The following MCUB variants were observed in gnomAD, a reference collection of about 807,000 sequenced individuals.
MCUB encodes mitochondrial calcium uniporter dominant negative subunit beta.
MCUB carries 46 observed loss-of-function variants against 41.4 expected under a neutral mutation model. The ratio of observed to expected loss-of-function variants is 1.11; its 90% CI spans 0.88 to 1.42. The LOEUF (loss-of-function observed/expected upper bound fraction) is 1.42. Among genes scored for constraint, MCUB ranks in the 40% most tolerant of loss-of-function variants. The pLI is 0.00. For synonymous variants in MCUB, 148 were observed against 148.2 expected (o/e 1.00, Z 0.01); for missense variants, 403 against 404.9 (o/e 1.00, Z 0.04).
At chr4:109,622,995 A>G (rs1414773934) in intron 1 of MCUB, among the ~76,000 whole-genome samples, 1 of 152,190 alleles carries the variant, frequency 6.6e-6, no homozygotes, top group Non-Finnish European at 1.5e-5. Flanking sequence ...TGTCTACAGT[A>G]TGCTCATCTA....
intron 1 of MCUB, among the ~76,000 whole-genome samples, chr4:109,562,133 T>C (rs1024658854): frequency 2.6e-5 from 4 of 152,164 alleles, no homozygotes; most frequent in Non-Finnish European, 5.9e-5. Context: ...TCTCAAATTA[T>C]CACCTGCAAA....
At chr4:109,656,805 T>C (rs1729114141) in intron 1 of MCUB, among the ~76,000 whole-genome samples, 1 of 152,232 alleles carries the variant, frequency 6.6e-6, no homozygotes, top group African/African-American at 2.4e-5. Context: ...TAGACGGTAT[T>C]GTAATATCCA....
intron 1 of MCUB, among the ~76,000 whole-genome samples, chr4:109,588,795 C>CT (rs766578219): frequency 2.8e-4 from 43 of 152,156 alleles, no homozygotes; most frequent in Non-Finnish European, 4.9e-4. Flanking sequence ...ACTCTGATAG[C>CT]TTAGTCTACA....
intron 7 of MCUB, 46 bp from the exon 8 acceptor site, chr4:109,687,469 G>C (rs200086615): frequency 7.5e-7 from 1 of 1,330,456 alleles, no homozygotes; most frequent in African/African-American, 1.4e-5. Context: ...ATGTTGGTAT[G>C]TTTCTCTTCT....
intron 4 of MCUB, among the ~76,000 whole-genome samples, chr4:109,682,124 G>A (rs1398961942): frequency 6.6e-6 from 1 of 152,138 alleles, no homozygotes; most frequent in Non-Finnish European, 1.5e-5. Flanking sequence ...AGGTGGATGC[G>A]GTCACCTTCC....
At chr4:109,576,754 G>T (rs974450479) in intron 1 of MCUB, among the ~76,000 whole-genome samples, 4 of 152,220 alleles carry the variant, frequency 2.6e-5, no homozygotes, top group African/African-American at 4.8e-5. Flanking sequence ...TAGGGATGGT[G>T]TACTAACCTT....
rs766720465 is a variant in MCUB, at chr4:109,682,748, G to A, written c.612+6G>A. On this transcript the variant is annotated splice_donor_region_variant and intron_variant, in intron 5 of 7. Coordinates refer to ENST00000394650, the MANE Select transcript of MCUB (RefSeq NM_017918.5). Reference sequence around the variant, plus strand: ...AGCTGCAGCCCCTTGAACAGGTTAGGAAGCATCACGGTTGAGTATATTTGA... The same window carrying A: ...AGCTGCAGCCCCTTGAACAGGTTAGAAAGCATCACGGTTGAGTATATTTGA... The A allele has an allele frequency of 2.8e-5, 45 of 1,606,094 alleles. No individual in the cohort carries two copies. In the South Asian group the frequency reaches 4.3e-4, roughly 16 times the overall value.
At chr4:109,642,651 A>G (rs750560051) in intron 1 of MCUB, among the ~76,000 whole-genome samples, 1 of 151,980 alleles carries the variant, frequency 6.6e-6, no homozygotes, top group African/African-American at 2.4e-5. Context: ...AGGCTGCTGC[A>G]TCTTTTTTAT....
At chr4:109,668,138 C>T (rs960455543) in intron 4 of MCUB, among the ~76,000 whole-genome samples, 1 of 152,078 alleles carries the variant, frequency 6.6e-6, no homozygotes, top group Non-Finnish European at 1.5e-5. Context: ...ATAGATGTCA[C>T]GTTTATCTCA....
intron 1 of MCUB, among the ~76,000 whole-genome samples, chr4:109,603,640 G>A (rs994347457): frequency 8.6e-5 from 13 of 150,362 alleles, no homozygotes; most frequent in Non-Finnish European, 1.3e-4. Flanking sequence ...CCACCACCCC[G>A]TCTGGGAACT....
intron 1 of MCUB, among the ~76,000 whole-genome samples, chr4:109,642,948 T>A (rs1209130749): frequency 7.1e-6 from 1 of 141,202 alleles, no homozygotes; most frequent in South Asian, 2.2e-4. Flanking sequence ...CGGGCTGGAG[T>A]GCAATGGCGT....
intron 1 of MCUB, among the ~76,000 whole-genome samples, chr4:109,566,857 C>A (rs1301692153): frequency 1.3e-5 from 2 of 152,230 alleles, no homozygotes; most frequent in South Asian, 2.1e-4. Context: ...CTATTCATGA[C>A]CCAAACGCAT....
rs574837003 is a variant in MCUB, at chr4:109,652,648, A to G, written c.100-6363A>G. ...GCCCTTTTATAATTGGCATCAATCC[A>G]TTTATGAAGGTGGAGCCCTCATGAC... On this transcript the variant is annotated intron_variant, in intron 1 of 7. Coordinates refer to ENST00000394650, the MANE Select transcript of MCUB (RefSeq NM_017918.5). 3.3e-5 allele frequency among the ~76,000 whole-genome samples: 5 copies of G among 152,212 alleles called. No individual in the cohort carries two copies. The South Asian group carries it at 1.0e-3, about 32-fold the overall frequency.
chr4:109,627,215 CT>C (rs33969659), intron 1 of MCUB, among the ~76,000 whole-genome samples: 1 of 152,060 alleles, frequency 6.6e-6, no homozygotes, highest in African/African-American at 2.4e-5. Flanking sequence ...TAATTCTTCA[CT>C]TTTTTTGTGA....
intron 4 of MCUB, 137 bp downstream of exon 4, chr4:109,664,531 C>A: frequency 1.8e-6 from 1 of 556,046 alleles, no homozygotes; most frequent in Non-Finnish European, 3.2e-6. Context: ...CTCAAACAAT[C>A]CTCCCACCTC....
At chr4:109,663,883 C>A (rs1729280570) in intron 3 of MCUB, among the ~76,000 whole-genome samples, 1 of 151,064 alleles carries the variant, frequency 6.6e-6, no homozygotes, top group Non-Finnish European at 1.5e-5. Flanking sequence ...CAGGTTAACC[C>A]AGTAACCACC....
chr4:109,599,138 A>T (rs993805832), intron 1 of MCUB, among the ~76,000 whole-genome samples: 10 of 152,240 alleles, frequency 6.6e-5, no homozygotes, highest in African/African-American at 2.4e-4. Flanking sequence ...CAAGAACAGA[A>T]TTGAATATCG....
At chr4:109,581,631 T>C (rs1727177865) in intron 1 of MCUB, among the ~76,000 whole-genome samples, 1 of 152,062 alleles carries the variant, frequency 6.6e-6, no homozygotes, top group African/African-American at 2.4e-5. Flanking sequence ...GCAACCTACT[T>C]ATCTGACGAA....
chr4:109,599,681 AT>A (rs377246507), intron 1 of MCUB, among the ~76,000 whole-genome samples: 3,893 of 142,794 alleles, frequency 0.027, 130 homozygotes, highest in African/African-American at 0.078. Context: ...TTATTTATTT[AT>A]TTTTTTAAGA....
Sources: allele counts gnomAD v4.1 joint callset (sites outside exome capture counted in the v4.1 genomes callset), GRCh38; gene constraint gnomAD v4.1.1; transcripts MANE v1.5; gene names NCBI Gene and HGNC (gene_info 2026-07-23, HGNC 2026-07-21).